The following ROBO1 variants were observed in gnomAD, a reference collection of about 807,000 sequenced individuals.
ROBO1 encodes roundabout homolog 1.
In ROBO1, 149 loss-of-function variants were observed where a neutral mutation model predicts 195.9. The observed-to-expected ratio is 0.76, with a 90% CI of 0.67 to 0.87. The LOEUF is 0.87. Among genes scored for constraint, ROBO1 ranks in the 40% least tolerant of loss-of-function variants. The pLI, the probability that ROBO1 is intolerant of heterozygous loss-of-function variation, is 0.00. For missense variants in ROBO1, 1,933 were observed against 2,068.3 expected, an observed-to-expected ratio of 0.93 and a Z score of 1.27; for synonymous variants, 816 against 733.2, an observed-to-expected ratio of 1.11 and a Z score of -1.82.
chr3:79,237,480 C>CAAA (rs11284278), intron 2 of ROBO1, among the ~76,000 whole-genome samples: 1 of 147,564 alleles, frequency 6.8e-6, no homozygotes, highest in Non-Finnish European at 1.5e-5. Context: ...GACTCCATCT[C>CAAA]AAAAAAAAAA....
intron 1 of ROBO1, among the ~76,000 whole-genome samples, chr3:79,604,629 A>G (rs11925618): frequency 0.25 from 38,378 of 151,920 alleles, 6,708 homozygotes; most frequent in African/African-American, 0.5. Flanking sequence ...TAGAAATGAT[A>G]CTGTGGGTGG....
intron 2 of ROBO1, among the ~76,000 whole-genome samples, chr3:79,207,200 G>C (rs1328408610): frequency 6.6e-6 from 1 of 152,062 alleles, no homozygotes; most frequent in Non-Finnish European, 1.5e-5. Context: ...TGATCAAACA[G>C]TTGATTTAAT....
At chr3:79,525,266 A>G (rs947550190) in intron 2 of ROBO1, among the ~76,000 whole-genome samples, 4 of 150,276 alleles carry the variant, frequency 2.7e-5, no homozygotes, top group Admixed American at 6.7e-5. Flanking sequence ...TAATGTCTGT[A>G]TAATTACATA....
chr3:79,231,161 C>G lies in ROBO1; in HGVS notation c.89-105622G>C, dbSNP rs1236603481. Among the ~76,000 whole-genome samples the G allele has an allele frequency of 3.3e-5, 5 of 151,908 alleles. No homozygotes were observed. The East Asian group carries it at 5.8e-4, about 18-fold the overall frequency. On this transcript the variant is annotated intron_variant, in intron 2 of 30. Coordinates refer to ENST00000464233, the MANE Select transcript of ROBO1 (RefSeq NM_002941.4). ...ATACCATTCAGGACATAGGCACAGA[C>G]AAGGATTCATGATGAAGACACCAAA...
At chr3:79,083,828 C>T (rs971791911) in intron 3 of ROBO1, among the ~76,000 whole-genome samples, 2 of 152,096 alleles carry the variant, frequency 1.3e-5, no homozygotes, top group African/African-American at 4.8e-5. Context: ...CAGATATCTT[C>T]GGAGAAAATC....
intron 4 of ROBO1, among the ~76,000 whole-genome samples, chr3:78,878,050 C>G (rs774049499): frequency 6.6e-5 from 10 of 152,078 alleles, no homozygotes; most frequent in African/African-American, 9.7e-5. Context: ...TCAATTTTCA[C>G]TAAGGATTTC....
At chr3:79,650,163 C>A (rs1945960283) in intron 1 of ROBO1, among the ~76,000 whole-genome samples, 1 of 151,538 alleles carries the variant, frequency 6.6e-6, no homozygotes, top group South Asian at 2.1e-4. Context: ...CTGAAAAGTC[C>A]AATAAAAACT....
At chr3:79,462,710 G>A (rs1448137655) in intron 2 of ROBO1, among the ~76,000 whole-genome samples, 1 of 151,914 alleles carries the variant, frequency 6.6e-6, no homozygotes, top group Admixed American at 6.6e-5. Flanking sequence ...TTTGAAGTTT[G>A]CTGGCAGTGT....
At chr3:79,386,558 G>A (rs2036754731) in intron 2 of ROBO1, among the ~76,000 whole-genome samples, 1 of 152,130 alleles carries the variant, frequency 6.6e-6, no homozygotes, top group Non-Finnish European at 1.5e-5. Flanking sequence ...ACTGAGGGAT[G>A]CTTGTTGTTC....
chr3:78,842,142 T>G (rs1042482690), intron 4 of ROBO1, among the ~76,000 whole-genome samples: 7 of 144,562 alleles, frequency 4.8e-5, no homozygotes, highest in Non-Finnish European at 1.5e-5. Flanking sequence ...CCAATTTGTT[T>G]TTTTTTTTTT....
At chr3:79,726,636 T>A (rs1297953480) in intron 1 of ROBO1, among the ~76,000 whole-genome samples, 1 of 152,192 alleles carries the variant, frequency 6.6e-6, no homozygotes, top group East Asian at 1.9e-4. Flanking sequence ...ATTGGCATTA[T>A]CTCTAAAAAA....
At chr3:79,261,570 C>A (rs1028372430) in intron 2 of ROBO1, among the ~76,000 whole-genome samples, 3 of 151,770 alleles carry the variant, frequency 2.0e-5, no homozygotes, top group Admixed American at 6.6e-5. Flanking sequence ...ATTTTTAAGG[C>A]TATCTTCTTA....
At chr3:79,301,285 G>A (rs1193285747) in intron 2 of ROBO1, among the ~76,000 whole-genome samples, 2 of 152,148 alleles carry the variant, frequency 1.3e-5, no homozygotes, top group African/African-American at 4.8e-5. Flanking sequence ...AGAGCTGACC[G>A]CGAGAGTCCG....
In ROBO1 at chr3:79,107,992, G is replaced by A. The variant is rs112067721; in HGVS notation, c.172+17464C>T. Among the ~76,000 whole-genome samples the A allele has an allele frequency of 3.4e-4, 51 of 151,720 alleles. 1 individual carries two copies. The highest frequency in any genetic ancestry group is 1.0e-3 in the African/African-American group (43 of 41,456). On this transcript the variant is annotated intron_variant, in intron 3 of 30. Transcript: ENST00000464233. ...ATAAAATAATCAAATGATTTCTTACGTATGTCAGAATGCTGTTAATACCAG... is the reference window on the plus strand; with the variant it reads ...ATAAAATAATCAAATGATTTCTTACATATGTCAGAATGCTGTTAATACCAG...
intron 2 of ROBO1, among the ~76,000 whole-genome samples, chr3:79,242,793 G>A (rs2082544501): frequency 6.6e-6 from 1 of 152,050 alleles, no homozygotes; most frequent in South Asian, 2.1e-4. Context: ...ACAATGCATT[G>A]ACTGTCTGTG....
intron 1 of ROBO1, among the ~76,000 whole-genome samples, chr3:79,722,934 T>A (rs1361200519): frequency 6.6e-6 from 1 of 152,178 alleles, no homozygotes; most frequent in Non-Finnish European, 1.5e-5. Context: ...CGTATAATCC[T>A]CACAGGTACT....
At chr3:78,794,534 T>A (rs1011811093) in intron 4 of ROBO1, among the ~76,000 whole-genome samples, 47 of 151,912 alleles carry the variant, frequency 3.1e-4, no homozygotes, top group African/African-American at 1.1e-3. Context: ...GGATGTAGAG[T>A]GTTGAATGGA....
rs73129015 is a variant in ROBO1 at position 79,429,446 on chromosome 3, G to A, written c.88+160378C>T. Among the ~76,000 whole-genome samples, 307 of 152,152 alleles carry A rather than the reference G, an allele frequency of 2.0e-3. 2 individuals are homozygous for A. The highest frequency in any genetic ancestry group is 3.0e-3 in the Non-Finnish European group (201 of 68,008). On this transcript the variant is annotated intron_variant, in intron 2 of 30. Coordinates refer to ENST00000464233, the MANE Select transcript of ROBO1 (RefSeq NM_002941.4). ...TGACCCTCTCTCACACTCAGGTTCC[G>A]GGTCAGCAAATACAACTCATGAGGA... is the stretch of plus-strand genomic sequence containing the variant.
intron 2 of ROBO1, among the ~76,000 whole-genome samples, chr3:79,462,580 A>G (rs1937709052): frequency 6.6e-6 from 1 of 152,202 alleles, no homozygotes; most frequent in Non-Finnish European, 1.5e-5. Context: ...TTTTGTGTAG[A>G]ATTACTAGAC....
Sources: gnomAD v4.1 joint callset for allele counts (sites outside exome capture counted in the v4.1 genomes callset) on GRCh38, gnomAD v4.1.1 for gene constraint, MANE v1.5 for transcripts, NCBI Gene and HGNC (gene_info 2026-07-23, HGNC 2026-07-21) for gene names.